MGAT4C: variants seen among roughly 807,000 people sequenced by gnomAD.
The protein encoded by MGAT4C is alpha-1,3-mannosyl-glycoprotein 4-beta-N-acetylglucosaminyltransferase C.
A neutral mutation model predicts 40.1 loss-of-function variants in MGAT4C; 19 were observed. That is an observed-to-expected ratio of 0.47 (90% CI 0.33 to 0.70). MGAT4C has a LOEUF of 0.70. Ranked by LOEUF, MGAT4C falls within the 30% of genes least tolerant of loss-of-function variation. The pLI is 0.02. For synonymous variants in MGAT4C, 181 were observed against 187.1 expected, an observed-to-expected ratio of 0.97 and a Z score of 0.27; for missense variants, 491 against 563.2, an observed-to-expected ratio of 0.87 and a Z score of 1.30.
At chr12:86,826,921 T>C (rs1952820013) in intron 1 of MGAT4C, among the ~76,000 whole-genome samples, 1 of 151,428 alleles carries the variant, frequency 6.6e-6, no homozygotes, top group Non-Finnish European at 1.5e-5. Flanking sequence ...AAAAGAATGA[T>C]TGTAAAGCCA....
intron 1 of MGAT4C, among the ~76,000 whole-genome samples, chr12:86,782,652 G>A (rs1424749939): frequency 1.3e-5 from 2 of 152,040 alleles, no homozygotes; most frequent in African/African-American, 2.4e-5. Context: ...AACTCCCAAT[G>A]TGACTGTTTT....
chr12:86,838,610 T>A (rs1953088833), intron 1 of MGAT4C: 1 of 152,156 alleles, frequency 6.6e-6, no homozygotes, highest in Non-Finnish European at 1.5e-5. Context: ...CCTAGCTCAT[T>A]AGACTATTAC....
intron 1 of MGAT4C, among the ~76,000 whole-genome samples, chr12:86,213,367 G>A (rs1379155750): frequency 6.6e-6 from 1 of 152,120 alleles, no homozygotes; most frequent in Non-Finnish European, 1.5e-5. Flanking sequence ...AGATTGATCG[G>A]TTCACAGATA....
intron 2 of MGAT4C, among the ~76,000 whole-genome samples, chr12:86,697,119 A>G (rs1950273820): frequency 1.3e-5 from 2 of 152,174 alleles, no homozygotes; most frequent in Non-Finnish European, 2.9e-5. Flanking sequence ...CAGTCCTTTC[A>G]TAAGCTTCAT....
chr12:86,737,476 T>A (rs1951005338), intron 1 of MGAT4C, among the ~76,000 whole-genome samples: 1 of 151,152 alleles, frequency 6.6e-6, no homozygotes, highest in Admixed American at 6.6e-5. Context: ...AATTTTAAGC[T>A]ACCTCAAGAT....
At chr12:86,809,154 C>G (rs2136213686) in intron 1 of MGAT4C, among the ~76,000 whole-genome samples, 1 of 152,236 alleles carries the variant, frequency 6.6e-6, no homozygotes, top group Admixed American at 6.6e-5. Context: ...AATGGAAATT[C>G]ATCCCATGTT....
At chr12:86,346,834 G>C (rs1392087876) in intron 3 of MGAT4C, among the ~76,000 whole-genome samples, 3 of 152,156 alleles carry the variant, frequency 2.0e-5, no homozygotes, top group Admixed American at 2.0e-4. Flanking sequence ...CATCCAACCG[G>C]CTGCCAGTAG....
intron 1 of MGAT4C, among the ~76,000 whole-genome samples, chr12:86,771,522 C>T (rs1951636110): frequency 6.6e-6 from 1 of 152,024 alleles, no homozygotes; most frequent in African/African-American, 2.4e-5. Context: ...AAGTCTCTAT[C>T]CTCTTAAAAA....
chr12:86,096,405 C>T (rs1414974847), intron 1 of MGAT4C, among the ~76,000 whole-genome samples: 1 of 149,866 alleles, frequency 6.7e-6, no homozygotes, highest in African/African-American at 2.4e-5. Context: ...AACTCCTCCC[C>T]TCCCCTCCCC....
intron 3 of MGAT4C, among the ~76,000 whole-genome samples, chr12:86,391,326 AG>A (rs1416831153): frequency 6.6e-6 from 1 of 152,216 alleles, no homozygotes; most frequent in Non-Finnish European, 1.5e-5. Context: ...CTCAAAACAC[AG>A]GACAGTTGTG....
intron 1 of MGAT4C, among the ~76,000 whole-genome samples, chr12:86,765,264 C>T (rs898744990): frequency 1.3e-5 from 2 of 152,152 alleles, no homozygotes; most frequent in African/African-American, 4.8e-5. Flanking sequence ...GAAAGGGTAC[C>T]AGTGATGTAA....
At chr12:86,233,075 G>A (rs1408887383) in intron 1 of MGAT4C, among the ~76,000 whole-genome samples, 1 of 152,078 alleles carries the variant, frequency 6.6e-6, no homozygotes. Context: ...GCAGTCTCTA[G>A]GTTATTCTGT....
At chr12:86,114,510 C>T (rs968309663) in intron 1 of MGAT4C, among the ~76,000 whole-genome samples, 2 of 151,660 alleles carry the variant, frequency 1.3e-5, no homozygotes, top group Non-Finnish European at 2.9e-5. Flanking sequence ...TATGGGCTCT[C>T]TTGATTTTTT....
intron 3 of MGAT4C, among the ~76,000 whole-genome samples, chr12:86,350,183 C>T (rs918613044): frequency 4.6e-5 from 7 of 152,002 alleles, no homozygotes; most frequent in Non-Finnish European, 7.4e-5. Context: ...TTCAGGAACC[C>T]CAGACTTTAA....
chr12:86,478,403 T>TGTGGAACAGGAAACATA (rs1362519962), intron 2 of MGAT4C, among the ~76,000 whole-genome samples: 3 of 152,136 alleles, frequency 2.0e-5, no homozygotes, highest in African/African-American at 7.2e-5. Context: ...ATTCAGGATC[T>TGTGGAACAGGAAACATA]GTGGAACAGG....
intron 2 of MGAT4C, among the ~76,000 whole-genome samples, chr12:86,624,322 C>T (rs147997936): frequency 1.5e-4 from 23 of 152,202 alleles, no homozygotes; most frequent in African/African-American, 5.5e-4. Context: ...ACCTGAGAAG[C>T]ACTGTTCTCT....
intron 3 of MGAT4C, among the ~76,000 whole-genome samples, chr12:86,354,597 A>G (rs1955264862): frequency 1.3e-5 from 2 of 152,256 alleles, no homozygotes; most frequent in South Asian, 4.1e-4. Flanking sequence ...GCTATAAATA[A>G]AAAATTCACT....
chr12:86,010,608 G>T (rs2136817010), intron 2 of MGAT4C, among the ~76,000 whole-genome samples: 1 of 152,262 alleles, frequency 6.6e-6, no homozygotes, highest in African/African-American at 2.4e-5. Context: ...AAACCGGGAG[G>T]CGGAGGTTGC....
intron 2 of MGAT4C, among the ~76,000 whole-genome samples, chr12:86,444,308 C>T (rs867942215): frequency 1.3e-5 from 2 of 152,216 alleles, no homozygotes; most frequent in African/African-American, 2.4e-5. Context: ...GCTCATTTGC[C>T]GGCTTCTTTT....
Sources: gnomAD v4.1 joint callset for allele counts (sites outside exome capture counted in the v4.1 genomes callset) on GRCh38, gnomAD v4.1.1 for gene constraint, MANE v1.5 for transcripts, NCBI Gene and HGNC (gene_info 2026-07-23, HGNC 2026-07-21) for gene names.